GPR153: variants seen among roughly 807,000 people sequenced by gnomAD.
The protein encoded by GPR153 is G protein-coupled receptor 153.
A neutral mutation model predicts 34.1 loss-of-function variants in GPR153; 27 were observed. The observed-to-expected ratio is 0.79, with a 90% CI of 0.58 to 1.09. GPR153 has a LOEUF of 1.09. GPR153 is among the 50% of genes least tolerant of loss of function. The pLI, the probability that GPR153 is intolerant of heterozygous loss-of-function variation, is 0.00. For synonymous variants in GPR153, 408 were observed against 405.4 expected (o/e 1.01, Z -0.08); for missense variants, 848 against 860.2 (o/e 0.99, Z 0.18).
At position 6,254,641 on chromosome 1, in the gene GPR153, T is replaced by G. The variant is rs1172449574; in HGVS notation, c.265A>C (p.Thr89Pro). 2 of 1,613,240 alleles carry G rather than the reference T, an allele frequency of 1.2e-6. No individual in the cohort carries two copies. The highest frequency in any genetic ancestry group is 1.7e-6 in the Non-Finnish European group (2 of 1,179,674). The stretch of plus-strand genomic sequence containing the variant: ...GTGGCCAGGGTGAGGGTGTAGAAGG[T>G]GGACACGAAGACCTTGCAGAGACCC... ...NEGLCKVFVS[T>P]FYTLTLATCF... is the part of the protein sequence containing the mutation. The change falls in exon 2 of 6, where the codon ACC becomes CCC. Residue 89 changes from threonine to proline, a missense_variant. By Grantham distance (38) the Thr-to-Pro change is conservative. Transcript: ENST00000377893.
rs1259820451 is a variant in GPR153 at position 6,250,425 on chromosome 1, C to T, written c.1164+15G>A. 3.8e-6 allele frequency: 6 copies of T among 1,562,092 alleles called. No individual in the cohort carries two copies. Among genetic ancestry groups the T allele is most frequent in the Non-Finnish European group, 2.6e-6 (3 of 1,153,062 alleles). On this transcript the variant is annotated intron_variant, in intron 5 of 5. Transcript: ENST00000377893. ...TCACCCGCAGGTGCGGCCTCTCCCC[C>T]AGCCCTGCGCTCACCTGCAGGTATT...
In GPR153 at chr1:6,252,484, C is replaced by T. The variant is rs561709137; in HGVS notation, c.787-954G>A. On this transcript the variant is annotated intron_variant, in intron 3 of 5. Coordinates refer to ENST00000377893, the MANE Select transcript of GPR153 (RefSeq NM_207370.4). The stretch of plus-strand genomic sequence containing the variant: ...GTTTCATGAAGCCCCTGCCCTCCAT[C>T]TGCACAGGGACCGGGCTGCCAGCCC... 9.2e-5 allele frequency among the ~76,000 whole-genome samples: 14 copies of T among 152,324 alleles called. No homozygotes were observed. In the South Asian group the frequency reaches 2.9e-3, roughly 32 times the overall value.
In GPR153 at chr1:6,249,479, G is replaced by C. The variant is rs1316790274; in HGVS notation, c.1689C>G (p.Pro563=). The change falls in exon 6 of 6, where the codon CCC becomes CCG. Residue 563 remains proline, a synonymous_variant. Transcript: ENST00000377893. The surrounding 1 kb of genome is among the most constrained non-coding windows in gnomAD (Gnocchi z 4.3). ...GCTCGCCCCACGACGCGCTCAGGCC[G>C]GGGCGCAGAGAGCCGGCGTGCGAGT... The part of the protein sequence containing the change: ...SAHSHAGSLR[P]GLSASWGEPG... 3 of 1,296,026 alleles carry C rather than the reference G, an allele frequency of 2.3e-6. No individual in the cohort carries two copies. The highest frequency in any genetic ancestry group is 2.9e-6 in the Non-Finnish European group (3 of 1,028,428). The allele number at this position is 1,296,026 out of a possible 1,614,324, so 80.3% of individuals were successfully genotyped here.
At chr1:6,250,710 CT>C (rs1305573750) in intron 4 of GPR153, 86 bp from the exon 5 acceptor site, 4 of 704,014 alleles carry the variant, frequency 5.7e-6, no homozygotes, top group African/African-American at 3.6e-5. Flanking sequence ...AGGGATCCCC[CT>C]GAGATCCCCC....
intron 2 of GPR153, 83 bp from the exon 3 acceptor site, chr1:6,254,230 G>A (rs984447853): frequency 3.7e-6 from 5 of 1,340,452 alleles, no homozygotes; most frequent in African/African-American, 1.5e-5. Context: ...TAGGGGATCC[G>A]CACCACCCAG....
At position 6,250,442 on chromosome 1, in the gene GPR153, G is replaced by T. The variant is rs753182060; in HGVS notation, c.1162C>A (p.Gln388Lys). 1.0e-5 allele frequency: 16 copies of T among 1,593,616 alleles called. No individual in the cohort carries two copies. The highest frequency in any genetic ancestry group is 1.7e-5 in the Admixed American group (1 of 57,342). The change falls in exon 5 of 6, where the codon CAG becomes AAG. Residue 388 changes from glutamine (Q) to lysine (K), a missense_variant and splice_region_variant. Coordinates refer to ENST00000377893, the MANE Select transcript of GPR153 (RefSeq NM_207370.4). ...CTCTCCCCCAGCCCTGCGCTCACCTGCAGGTATTGCATCTTGTCCTCCTGC... is the reference window on the plus strand; with the variant it reads ...CTCTCCCCCAGCCCTGCGCTCACCTTCAGGTATTGCATCTTGTCCTCCTGC... ...PLQEDKMQYL[Q>K]VPPTRRFSHD...
At position 6,249,351 on chromosome 1, in the gene GPR153, C is replaced by A; in HGVS notation, c.1817G>T (p.Gly606Val). The A allele has an allele frequency of 7.6e-7, 1 of 1,316,266 alleles. No individual in the cohort carries two copies. The highest frequency in any genetic ancestry group is 2.2e-5 in the South Asian group (1 of 45,500). 81.5% of individuals were successfully genotyped at this position (1,316,266 alleles called of 1,614,324 possible). A position where few individuals can be genotyped will look rare whatever the true frequency, so the allele number is the denominator to read the frequency against. The change falls in exon 6 of 6, where the codon GGC (glycine) becomes GTC (valine). Residue 606 changes from glycine (G) to valine (V), a missense_variant. By Grantham distance (109) the Gly-to-Val change is moderately radical. Transcript: ENST00000377893. The surrounding 1 kb of genome is among the most constrained non-coding windows in gnomAD (Gnocchi z 4.3). ...GCGCCGGCGGTCCTAGGACGCGGAGCCCAGCGAGTCCGAGTGCAGCGTGGC... is the reference window on the plus strand; with the variant it reads ...GCGCCGGCGGTCCTAGGACGCGGAGACCAGCGAGTCCGAGTGCAGCGTGGC... ...GYATLHSDSL[G>V]SAS
At chr1:6,253,646 C>T (rs1638496500) in intron 3 of GPR153, 72 bp downstream of exon 3, 15 of 1,352,362 alleles carry the variant, frequency 1.1e-5, no homozygotes, top group African/African-American at 1.5e-5. Flanking sequence ...ACTCAACCAC[C>T]TGATGCCTGG....
chr1:6,249,500 C>G lies in GPR153; in HGVS notation c.1668G>C (p.Ser556=). 1 of 1,268,948 alleles carries G rather than the reference C, an allele frequency of 7.9e-7. No individual in the cohort carries two copies. Among genetic ancestry groups the G allele is most frequent in the South Asian group, 2.8e-5 (1 of 35,668 alleles). 78.6% of individuals were successfully genotyped at this position (1,268,948 alleles called of 1,614,324 possible). The change falls in exon 6 of 6, where the codon TCG becomes TCC. Residue 556 remains serine (S), a synonymous_variant. Transcript: ENST00000377893. This position sits in a 1 kb window ranked among gnomAD's most constrained non-coding sequence, Gnocchi z 4.3. ...GGCCGGGGCGCAGAGAGCCGGCGTG[C>G]GAGTGCGCAGAGGGGCGTGGCCCTG... ...RSPGPRPSAH[S]HAGSLRPGLS...
chr1:6,260,543 C>T (rs1457457795), intron 1 of GPR153, among the ~76,000 whole-genome samples: 2 of 151,846 alleles, frequency 1.3e-5, no homozygotes, highest in East Asian at 3.9e-4. Flanking sequence ...CGAGCAGGGG[C>T]GGGCTCAGGA....
At chr1:6,252,556 G>A (rs1229706343) in intron 3 of GPR153, among the ~76,000 whole-genome samples, 1 of 152,204 alleles carries the variant, frequency 6.6e-6, no homozygotes, top group Non-Finnish European at 1.5e-5. Context: ...CAGGCCTGCT[G>A]GGGGTGGGGC....
Position 6,249,127 on chromosome 1 carries a change from G to T in GPR153, c.*211C>A. On this transcript the variant is annotated 3_prime_UTR_variant, in exon 6 of 6. Coordinates refer to ENST00000377893, the MANE Select transcript of GPR153 (RefSeq NM_207370.4). This position sits in a 1 kb window ranked among gnomAD's most constrained non-coding sequence, Gnocchi z 4.3. Reference sequence around the variant, plus strand: ...CCCGACCTCACTCGGCCCGGGACATGCGGTGCCCAGCGCAGTCGTCCGGGG... The same window carrying T: ...CCCGACCTCACTCGGCCCGGGACATTCGGTGCCCAGCGCAGTCGTCCGGGG... The T allele has an allele frequency of 2.6e-6, 1 of 389,094 alleles. No individual in the cohort carries two copies. The highest frequency in any genetic ancestry group is 1.4e-4 in the South Asian group (1 of 7,298). 24.1% of individuals were successfully genotyped at this position (389,094 alleles called of 1,614,324 possible).
Position 6,254,601 on chromosome 1 carries a change from G to C in GPR153, c.305C>G (p.Thr102Ser), listed in dbSNP as rs904330254. ...TLTLATCFSV[T>S]SLSYHRMWMV... ...CCACATGCGGTGGTAGGAGAGGGAG[G>C]TGACAGAGAAACAGGTGGCCAGGGT... is the stretch of plus-strand genomic sequence containing the variant. Residue 102 changes from threonine to serine, a missense_variant, in exon 2 of 6, where the codon ACC (threonine) becomes AGC (serine). Transcript: ENST00000377893. The C allele has an allele frequency of 1.9e-6, 3 of 1,605,760 alleles. No individual in the cohort carries two copies. Among genetic ancestry groups the C allele is most frequent in the African/African-American group, 1.3e-5 (1 of 74,850 alleles).
In GPR153 at chr1:6,251,497, A is replaced by G; in HGVS notation, c.820T>C (p.Ser274Pro). The change falls in exon 4 of 6, where the codon TCA becomes CCA. Residue 274 changes from serine to proline, a missense_variant. Coordinates refer to ENST00000377893, the MANE Select transcript of GPR153 (RefSeq NM_207370.4). This position sits in a 1 kb window ranked among gnomAD's most constrained non-coding sequence, Gnocchi z 4.9. ...ACGCAGAGTGCCATCCAGGGCGCTGAGGCGTCGGCCCGCAGGCTGCTGAAG... is the reference window on the plus strand; with the variant it reads ...ACGCAGAGTGCCATCCAGGGCGCTGGGGCGTCGGCCCGCAGGCTGCTGAAG... ...VSFSSLRADA[S>P]APWMALCVLW... 6.2e-7 allele frequency: 1 copy of G among 1,609,910 alleles called. No homozygotes were observed. Among genetic ancestry groups the G allele is most frequent in the Non-Finnish European group, 8.5e-7 (1 of 1,178,608 alleles).
chr1:6,260,510 C>A (rs1638652597), intron 1 of GPR153, among the ~76,000 whole-genome samples: 1 of 151,834 alleles, frequency 6.6e-6, no homozygotes, highest in Non-Finnish European at 1.5e-5. Context: ...GGACTGCGGC[C>A]CCCGGACCCC....
At chr1:6,256,302 T>C (rs912120139) in intron 1 of GPR153, among the ~76,000 whole-genome samples, 1 of 152,126 alleles carries the variant, frequency 6.6e-6, no homozygotes, top group Non-Finnish European at 1.5e-5. Context: ...AGCACCTTGA[T>C]TTTGGATTTC....
chr1:6,257,797 C>T (rs900171218), intron 1 of GPR153, among the ~76,000 whole-genome samples: 3 of 152,228 alleles, frequency 2.0e-5, no homozygotes, highest in South Asian at 2.1e-4. Context: ...GGCTGGGCAG[C>T]GAGTCCTTCC....
Position 6,250,016 on chromosome 1 carries a change from G to A in GPR153, c.1165-13C>T. On this transcript the variant is annotated splice_polypyrimidine_tract_variant and intron_variant, in intron 5 of 5. Transcript: ENST00000377893. ...GCGTGGGCGGGACCTGTCAGGACGC[G>A]GCTGGCTTTTACCCCGAGCTGCCCT... 8.0e-7 allele frequency: 1 copy of A among 1,256,608 alleles called. No homozygotes were observed. Among genetic ancestry groups the A allele is most frequent in the Non-Finnish European group, 1.0e-6 (1 of 994,234 alleles). 77.8% of individuals were successfully genotyped at this position (1,256,608 alleles called of 1,614,324 possible).
rs555173029 is a variant in GPR153, at chr1:6,248,059, G to C, written c.*1279C>G. The C allele has an allele frequency of 6.6e-6, 1 of 152,494 alleles. No homozygotes were observed. The highest frequency in any genetic ancestry group is 1.5e-5 in the Non-Finnish European group (1 of 68,254). The allele number at this position is 152,494 out of a possible 1,614,324, so 9.4% of individuals were successfully genotyped here. ...TGGAATTACCCCAGGTCTTCATATT[G>C]TGGGGCCACTGTGTAGGGGTAGGGG... On this transcript the variant is annotated 3_prime_UTR_variant, in exon 6 of 6. Transcript: ENST00000377893.
Sources: gnomAD v4.1 joint callset for allele counts (sites outside exome capture counted in the v4.1 genomes callset) on GRCh38, gnomAD v4.1.1 for gene constraint, Gnocchi (gnomAD v3.1) non-coding constraint, MANE v1.5 for transcripts, NCBI Gene and HGNC (gene_info 2026-07-23, HGNC 2026-07-21) for gene names.